ADAM18: variants seen among roughly 807,000 people sequenced by gnomAD.
ADAM18 encodes disintegrin and metalloproteinase domain-containing protein 18.
Under a neutral mutation model 94.4 loss-of-function variants are expected in ADAM18, and 117 were observed. The observed-to-expected ratio is 1.24, with a 90% CI of 1.07 to 1.45. The LOEUF (loss-of-function observed/expected upper bound fraction) is 1.45. Among genes scored for constraint, ADAM18 ranks in the 40% most tolerant of loss-of-function variants. The pLI is 0.00. For synonymous variants in ADAM18, 327 were observed against 291.6 expected, an observed-to-expected ratio of 1.12 and a Z score of -1.24; for missense variants, 936 against 880.0, an observed-to-expected ratio of 1.06 and a Z score of -0.81.
chr8:39,635,201 T>C (rs1205905345), intron 7 of ADAM18, among the ~76,000 whole-genome samples: 1 of 152,204 alleles, frequency 6.6e-6, no homozygotes, highest in Non-Finnish European at 1.5e-5. Context: ...AGATTTCTCT[T>C]TTTTATAATA....
intron 7 of ADAM18, 60 bp downstream of exon 7, chr8:39,629,499 T>G: frequency 8.8e-7 from 1 of 1,142,386 alleles, no homozygotes; most frequent in Non-Finnish European, 1.2e-6. Flanking sequence ...AAGAAAGAAC[T>G]TTCCTTCTTG....
intron 6 of ADAM18, among the ~76,000 whole-genome samples, chr8:39,627,608 C>G (rs1470330274): frequency 6.6e-6 from 1 of 152,050 alleles, no homozygotes; most frequent in Non-Finnish European, 1.5e-5. Flanking sequence ...AGAATCTTTA[C>G]ATGTTAGGTG....
chr8:39,598,263 A>G (rs1011574856), intron 2 of ADAM18, among the ~76,000 whole-genome samples: 1 of 151,732 alleles, frequency 6.6e-6, no homozygotes, highest in Non-Finnish European at 1.5e-5. Context: ...ACCTTTTCTT[A>G]TTGCATTGGC....
Position 39,680,017 on chromosome 8 carries a change from T to A in ADAM18, c.1632-20T>A, listed in dbSNP as rs765336979. 23 of 1,612,066 alleles carry A rather than the reference T, an allele frequency of 1.4e-5. No individual in the cohort carries two copies. In the South Asian group the frequency reaches 2.5e-4, roughly 18 times the overall value. On this transcript the variant is annotated intron_variant, in intron 15 of 19. Coordinates refer to ENST00000265707, the MANE Select transcript of ADAM18 (RefSeq NM_014237.3). The stretch of plus-strand genomic sequence containing the variant: ...ATTAAGAGATAAACTGATAAGGAAC[T>A]TTTTGCTTTCCACTTCCAGGGATGT...
chr8:39,728,615 G>A (rs7010669), intron 19 of ADAM18, among the ~76,000 whole-genome samples: 82 of 152,178 alleles, frequency 5.4e-4, no homozygotes, highest in African/African-American at 1.4e-3. Flanking sequence ...ATATCACAAC[G>A]AAAAGCACAT....
rs1413833132 is a variant in ADAM18, at chr8:39,723,736, A to ATTCAT, written c.2018-8_2018-4dup. The ATTCAT allele has an allele frequency of 6.9e-7, 1 of 1,453,876 alleles. No homozygotes were observed. The allele number at this position is 1,453,876 out of a possible 1,614,324, so 90.1% of individuals were successfully genotyped here. A position where few individuals can be genotyped will look rare whatever the true frequency, so the allele number is the denominator to read the frequency against. Reference sequence around the variant, plus strand: ...TGAGTCCCCACTAATTTATCATATGATTCATTTCTAGGTGACTTTTATACT... The same window carrying ATTCAT: ...TGAGTCCCCACTAATTTATCATATGATTCATTTCATTTCTAGGTGACTTTTATACT... On this transcript the variant is annotated splice_polypyrimidine_tract_variant and intron_variant, in intron 18 of 19. Transcript: ENST00000265707.
In ADAM18 at chr8:39,661,409, C is replaced by G. The variant is rs369233204; in HGVS notation, c.1231-2386C>G. On this transcript the variant is annotated intron_variant, in intron 12 of 19. Coordinates refer to ENST00000265707, the MANE Select transcript of ADAM18 (RefSeq NM_014237.3). ...CAGGATGGTCTCTATCTCCTGACCT[C>G]GTGATCCGCCTTCCTCAGCCTCCCA... is the stretch of plus-strand genomic sequence containing the variant. Among the ~76,000 whole-genome samples the G allele has an allele frequency of 2.0e-4, 29 of 147,504 alleles. No individual in the cohort carries two copies. In the East Asian group the frequency reaches 2.3e-3, roughly 11 times the overall value.
chr8:39,680,087 A>G lies in ADAM18; in HGVS notation c.1682A>G (p.Asn561Ser). Reference sequence around the variant, plus strand: ...TGTGTTCAGCCACATAAAAATGCTAATAAAAGTGACGCTCAATCTACAGTT... The same window carrying G: ...TGTGTTCAGCCACATAAAAATGCTAGTAAAAGTGACGCTCAATCTACAGTT... ...LACVQPHKNA[N>S]KSDAQSTVYS... The change falls in exon 16 of 20, where the codon AAT becomes AGT. Residue 561 changes from asparagine (N) to serine (S), a missense_variant. By Grantham distance (46) the Asn-to-Ser change is conservative. Coordinates refer to ENST00000265707, the MANE Select transcript of ADAM18 (RefSeq NM_014237.3). The G allele has an allele frequency of 6.2e-7, 1 of 1,613,906 alleles. No homozygotes were observed. The highest frequency in any genetic ancestry group is 8.5e-7 in the Non-Finnish European group (1 of 1,179,888).
At chr8:39,636,905 T>C (rs1820087734) in intron 7 of ADAM18, among the ~76,000 whole-genome samples, 1 of 151,388 alleles carries the variant, frequency 6.6e-6, no homozygotes, top group Admixed American at 6.6e-5. Flanking sequence ...AGTATTTTCT[T>C]TTCTGTATCT....
At chr8:39,663,160 A>G (rs1215179291) in intron 12 of ADAM18, among the ~76,000 whole-genome samples, 2 of 152,112 alleles carry the variant, frequency 1.3e-5, no homozygotes, top group African/African-American at 2.4e-5. Flanking sequence ...CATTCCCCCA[A>G]GGATATGTTT....
At chr8:39,665,103 T>C (rs1026750156) in intron 13 of ADAM18, among the ~76,000 whole-genome samples, 1 of 152,152 alleles carries the variant, frequency 6.6e-6, no homozygotes, top group Non-Finnish European at 1.5e-5. Flanking sequence ...AGTCCATGAC[T>C]CCACCCGCAG....
chr8:39,721,641 C>A (rs940203327), intron 18 of ADAM18, among the ~76,000 whole-genome samples: 1 of 151,206 alleles, frequency 6.6e-6, no homozygotes, highest in Non-Finnish European at 1.5e-5. Context: ...ATCCAAGAGG[C>A]CAAAAAACAT....
chr8:39,613,085 C>T (rs554089295), intron 6 of ADAM18, among the ~76,000 whole-genome samples: 64 of 152,240 alleles, frequency 4.2e-4, no homozygotes, highest in African/African-American at 1.5e-3. Context: ...ATGCATGCAT[C>T]GAACCCAACA....
At chr8:39,653,052 G>A (rs1488989990) in intron 12 of ADAM18, among the ~76,000 whole-genome samples, 3 of 152,160 alleles carry the variant, frequency 2.0e-5, no homozygotes, top group Admixed American at 6.5e-5. Context: ...GGTGGTCAAA[G>A]GATACAGAAT....
intron 6 of ADAM18, among the ~76,000 whole-genome samples, chr8:39,623,448 G>A (rs7842474): frequency 9.2e-5 from 14 of 151,726 alleles, no homozygotes; most frequent in Middle Eastern, 3.4e-3. Flanking sequence ...GATTCCCACC[G>A]GCAGTATGTA....
intron 10 of ADAM18, among the ~76,000 whole-genome samples, chr8:39,639,098 G>T (rs1296879751): frequency 1.3e-5 from 2 of 151,714 alleles, no homozygotes; most frequent in Non-Finnish European, 2.9e-5. Flanking sequence ...TCTTTTCAAA[G>T]AAAAGTTTTG....
At chr8:39,597,537 T>G (rs1056846184) in intron 2 of ADAM18, among the ~76,000 whole-genome samples, 3 of 152,228 alleles carry the variant, frequency 2.0e-5, no homozygotes. Context: ...AAAGACTGTC[T>G]TTACTTCATT....
chr8:39,640,771 A>C (rs370138994), intron 10 of ADAM18, among the ~76,000 whole-genome samples: 15 of 151,508 alleles, frequency 9.9e-5, no homozygotes, highest in South Asian at 2.1e-4. Flanking sequence ...ACATTTCTCT[A>C]ATGACCAGTG....
intron 17 of ADAM18, among the ~76,000 whole-genome samples, chr8:39,701,143 A>AAAAAAAAAAAAAAAAAAC (rs1822065365): frequency 7.0e-6 from 1 of 142,724 alleles, no homozygotes; most frequent in Admixed American, 6.9e-5. Flanking sequence ...AAAAAAAAAA[A>AAAAAAAAAAAAAAAAAAC]AAAAAATTTA....
Sources: gnomAD v4.1 joint callset for allele counts (sites outside exome capture counted in the v4.1 genomes callset) on GRCh38, gnomAD v4.1.1 for gene constraint, MANE v1.5 for transcripts, NCBI Gene and HGNC (gene_info 2026-07-23, HGNC 2026-07-21) for gene names.